Variants in TOX observed in about 807,000 individuals in gnomAD.
The protein encoded by TOX is thymocyte selection-associated high mobility group box protein TOX.
In TOX, 11 loss-of-function variants were observed where a neutral mutation model predicts 53.7. That is an observed-to-expected ratio of 0.20 (90% CI 0.13 to 0.34). TOX has a LOEUF of 0.34. TOX is among the 10% of genes least tolerant of loss of function. TOX has a pLI of 1.00. For missense variants in TOX, 570 were observed against 664.6 expected (o/e 0.86, Z 1.56); for synonymous variants, 225 against 245.3 (o/e 0.92, Z 0.77).
chr8:59,092,638 G>C (rs1329083960), intron 1 of TOX, among the ~76,000 whole-genome samples: 1 of 151,826 alleles, frequency 6.6e-6, no homozygotes, highest in Non-Finnish European at 1.5e-5. Context: ...CTCTCATCCT[G>C]TGCTGGTCTC....
chr8:59,040,659 G>T (rs1160011673), intron 1 of TOX, among the ~76,000 whole-genome samples: 1 of 152,208 alleles, frequency 6.6e-6, no homozygotes, highest in Non-Finnish European at 1.5e-5. Context: ...CAATTATACA[G>T]CACTGCTGAG....
At chr8:58,819,703 C>T (rs932011973) in intron 6 of TOX, among the ~76,000 whole-genome samples, 4 of 152,082 alleles carry the variant, frequency 2.6e-5, no homozygotes, top group African/African-American at 9.7e-5. Flanking sequence ...ATAAATTTCC[C>T]CATTCTGGGA....
intron 3 of TOX, among the ~76,000 whole-genome samples, chr8:58,892,828 C>G (rs992967478): frequency 2.3e-4 from 35 of 152,270 alleles, no homozygotes; most frequent in Non-Finnish European, 4.1e-4. Context: ...CTTCATCTAC[C>G]TGCTCCCCCA....
At chr8:59,041,514 A>ATTCT (rs1803587568) in intron 1 of TOX, among the ~76,000 whole-genome samples, 1 of 152,166 alleles carries the variant, frequency 6.6e-6, no homozygotes, top group Admixed American at 6.5e-5. Context: ...TCATTCATTC[A>ATTCT]TTCATTCACT....
At chr8:58,873,315 T>G (rs1246236462) in intron 3 of TOX, among the ~76,000 whole-genome samples, 1 of 152,142 alleles carries the variant, frequency 6.6e-6, no homozygotes, top group East Asian at 1.9e-4. Flanking sequence ...ATGAAAAATA[T>G]TCTAAAAATC....
chr8:58,932,284 A>G (rs1194252764), intron 3 of TOX, among the ~76,000 whole-genome samples: 4 of 42,236 alleles, frequency 9.5e-5, no homozygotes, highest in African/African-American at 1.5e-4. Context: ...TAATTTGTGA[A>G]AAAAAAAAAC....
chr8:59,003,919 T>TACAA (rs1813741745), intron 1 of TOX, among the ~76,000 whole-genome samples: 1 of 152,232 alleles, frequency 6.6e-6, no homozygotes, highest in East Asian at 1.9e-4. Context: ...GTATGAAGTA[T>TACAA]GTAAAATACA....
chr8:58,848,557 A>C (rs1025885835), intron 4 of TOX, among the ~76,000 whole-genome samples: 1 of 152,128 alleles, frequency 6.6e-6, no homozygotes, highest in Non-Finnish European at 1.5e-5. Flanking sequence ...AATTTCCTTA[A>C]AGAGAAAACT....
At chr8:58,829,861 AT>A (rs768887349) in intron 5 of TOX, among the ~76,000 whole-genome samples, 1 of 152,200 alleles carries the variant, frequency 6.6e-6, no homozygotes, top group Non-Finnish European at 1.5e-5. Flanking sequence ...TCAAAAAAAA[AT>A]CTCTCAAAAA....
chr8:59,092,464 A>G (rs1042698801), intron 1 of TOX, among the ~76,000 whole-genome samples: 9 of 149,892 alleles, frequency 6.0e-5, no homozygotes, highest in Non-Finnish European at 1.3e-4. Flanking sequence ...TCCTGTCCTC[A>G]TAAATGCATT....
intron 1 of TOX, among the ~76,000 whole-genome samples, chr8:59,016,774 C>A (rs971148050): frequency 2.6e-5 from 4 of 152,188 alleles, no homozygotes; most frequent in Admixed American, 6.5e-5. Flanking sequence ...GCTTATGTAA[C>A]AAAATAAGCT....
At chr8:58,880,192 T>C (rs1365336293) in intron 3 of TOX, among the ~76,000 whole-genome samples, 1 of 152,112 alleles carries the variant, frequency 6.6e-6, no homozygotes, top group Non-Finnish European at 1.5e-5. Flanking sequence ...AGTGTGCAAG[T>C]TGGTCCTATC....
At chr8:59,033,386 G>A (rs1468214576) in intron 1 of TOX, among the ~76,000 whole-genome samples, 10 of 152,226 alleles carry the variant, frequency 6.6e-5, no homozygotes, top group Non-Finnish European at 1.5e-5. Flanking sequence ...AGGGAAGAAT[G>A]GGGAGATACC....
At chr8:58,994,617 G>A (rs577834709) in intron 1 of TOX, among the ~76,000 whole-genome samples, 1 of 152,166 alleles carries the variant, frequency 6.6e-6, no homozygotes, top group East Asian at 1.9e-4. Flanking sequence ...AAGATAACAG[G>A]ATACATATAA....
At chr8:59,113,808 G>A (rs1805059430) in intron 1 of TOX, among the ~76,000 whole-genome samples, 1 of 152,098 alleles carries the variant, frequency 6.6e-6, no homozygotes, top group Non-Finnish European at 1.5e-5. Context: ...ACTGAGGGCT[G>A]GCTTTAAAAC....
chr8:58,878,420 A>T (rs956623213), intron 3 of TOX, among the ~76,000 whole-genome samples: 1 of 152,188 alleles, frequency 6.6e-6, no homozygotes. Context: ...CTTCTCAATC[A>T]TCTTTAAAAC....
intron 1 of TOX, among the ~76,000 whole-genome samples, chr8:59,063,710 T>G (rs1459996197): frequency 6.6e-6 from 1 of 152,132 alleles, no homozygotes; most frequent in East Asian, 1.9e-4. Context: ...CCTAAGCCAC[T>G]GCGCCCGGCC....
chr8:59,061,470 AT>A (rs980189297), intron 1 of TOX, among the ~76,000 whole-genome samples: 2 of 152,124 alleles, frequency 1.3e-5, no homozygotes, highest in African/African-American at 2.4e-5. Context: ...ATTACCTAGT[AT>A]TTTTTTCTCT....
intron 1 of TOX, among the ~76,000 whole-genome samples, chr8:59,066,272 A>G (rs1804091884): frequency 6.6e-6 from 1 of 152,244 alleles, no homozygotes; most frequent in African/African-American, 2.4e-5. Flanking sequence ...CAAATAAGTC[A>G]CAGTTAAAGG....
Sources: allele counts gnomAD v4.1 joint callset (sites outside exome capture counted in the v4.1 genomes callset), GRCh38; gene constraint gnomAD v4.1.1; transcripts MANE v1.5; gene names NCBI Gene and HGNC (gene_info 2026-07-23, HGNC 2026-07-21).